The following PCDHA5 variants were observed in gnomAD, a reference collection of about 807,000 sequenced individuals.
PCDHA5 encodes protocadherin alpha 5.
A neutral mutation model predicts 61.6 loss-of-function variants in PCDHA5; 43 were observed. That is an observed-to-expected ratio of 0.70 (90% CI 0.55 to 0.90). PCDHA5 has a LOEUF of 0.90. Ranked by LOEUF, PCDHA5 falls within the 40% of genes least tolerant of loss-of-function variation. The pLI, the probability that PCDHA5 is intolerant of heterozygous loss-of-function variation, is 0.00. For missense variants in PCDHA5, 1,298 were observed against 1,222.7 expected (o/e 1.06, Z -0.92); for synonymous variants, 627 against 543.9 (o/e 1.15, Z -2.13).
intron 3 of PCDHA5, among the ~76,000 whole-genome samples, chr5:140,994,578 A>C (rs1563601392): frequency 6.6e-6 from 1 of 151,958 alleles, no homozygotes; most frequent in Non-Finnish European, 1.5e-5. Context: ...GGTGGCATGC[A>C]CTTGTAGTCT....
At chr5:140,976,594 T>C (rs2096724606) in intron 1 of PCDHA5, among the ~76,000 whole-genome samples, 1 of 152,146 alleles carries the variant, frequency 6.6e-6, no homozygotes, top group Non-Finnish European at 1.5e-5. Flanking sequence ...ACTTTTGTGT[T>C]AAGGGGACCT....
intron 1 of PCDHA5, chr5:140,870,150 C>T (rs2051709522): frequency 6.2e-7 from 1 of 1,614,098 alleles, no homozygotes; most frequent in Non-Finnish European, 8.5e-7. Context: ...CTCCTGAAGT[C>T]GCCGTGACTT....
At chr5:140,883,291 A>T (rs1554177505) in intron 1 of PCDHA5, 1 of 1,614,118 alleles carries the variant, frequency 6.2e-7, no homozygotes, top group South Asian at 1.1e-5. Flanking sequence ...TGGAAGTACT[A>T]GATGTAAATG....
chr5:140,896,404 G>T (rs1003824556), intron 1 of PCDHA5, among the ~76,000 whole-genome samples: 4 of 151,996 alleles, frequency 2.6e-5, no homozygotes, highest in Admixed American at 2.6e-4. Context: ...TGTTATTTTT[G>T]ACTTTTTAGT....
At chr5:140,966,737 G>A (rs1466161811) in intron 1 of PCDHA5, 4 of 1,420,882 alleles carry the variant, frequency 2.8e-6, no homozygotes, top group Non-Finnish European at 3.7e-6. Flanking sequence ...CTCCGGCCCT[G>A]CCCGGCTGCC....
intron 1 of PCDHA5, among the ~76,000 whole-genome samples, chr5:140,933,588 G>A (rs2089253151): frequency 6.6e-6 from 1 of 151,988 alleles, no homozygotes; most frequent in Non-Finnish European, 1.5e-5. Flanking sequence ...TGGGTTTTTA[G>A]GTTGATTTGT....
intron 1 of PCDHA5, chr5:140,875,365 A>T: frequency 6.9e-7 from 1 of 1,449,394 alleles, no homozygotes; most frequent in Non-Finnish European, 9.1e-7. Context: ...TGCTGGAAAA[A>T]ATTTACTAAA....
chr5:140,849,910 G>A, intron 1 of PCDHA5: 1 of 1,598,272 alleles, frequency 6.3e-7, no homozygotes. Flanking sequence ...CCGCCGGGCT[G>A]CCACATCTTC....
chr5:140,877,303 T>G, intron 1 of PCDHA5: 1 of 1,613,850 alleles, frequency 6.2e-7, no homozygotes, highest in South Asian at 1.1e-5. Flanking sequence ...GTCCTACGAG[T>G]TGCAACCGGC....
At position 140,857,550 on chromosome 5, in the gene PCDHA5, G is replaced by A; in HGVS notation, c.2352+33423G>A. 4 of 1,596,852 alleles carry A rather than the reference G, an allele frequency of 2.5e-6. 1 individual carries two copies. The highest frequency in any genetic ancestry group is 3.4e-6 in the Non-Finnish European group (4 of 1,167,652). On this transcript the variant is annotated intron_variant, in intron 1 of 3. Coordinates refer to ENST00000529859, the MANE Select transcript of PCDHA5 (RefSeq NM_018908.3). ...CTGGTGGAGCGGCGGTTGGGCGAGC[G>A]CTCGCTGTCGAGCTACGTGTCGGTG...
intron 1 of PCDHA5, among the ~76,000 whole-genome samples, chr5:140,941,191 T>TTTTTTCTTTC (rs1554213809): frequency 1.1e-5 from 1 of 93,206 alleles, no homozygotes; most frequent in Non-Finnish European, 2.3e-5. Flanking sequence ...GCTTCTTTTT[T>TTTTTTCTTTC]TTTCTTTCTT....
chr5:140,837,972 C>T (rs929090739), intron 1 of PCDHA5, among the ~76,000 whole-genome samples: 2 of 151,768 alleles, frequency 1.3e-5, no homozygotes, highest in African/African-American at 2.4e-5. Context: ...AACAACCACA[C>T]CCAGCCTGCC....
intron 1 of PCDHA5, chr5:140,829,495 C>A: frequency 6.2e-7 from 1 of 1,613,650 alleles, no homozygotes; most frequent in Non-Finnish European, 8.5e-7. Flanking sequence ...AGGAGAACAA[C>A]CCGCCGGGCT....
At chr5:140,967,712 G>A in intron 1 of PCDHA5, 2 of 1,614,196 alleles carry the variant, frequency 1.2e-6, no homozygotes, top group Non-Finnish European at 1.7e-6. Flanking sequence ...CAGTACCGGG[G>A]AAGTGCGAGT....
rs2098419648 is a variant in PCDHA5 at position 141,011,160 on chromosome 5, A to AT, written c.*1224dup. The AT allele has an allele frequency of 6.5e-6, 1 of 153,706 alleles. No homozygotes were observed. The highest frequency in any genetic ancestry group is 2.4e-5 in the African/African-American group (1 of 41,436). 9.5% of individuals were successfully genotyped at this position (153,706 alleles called of 1,614,324 possible). A position where few individuals can be genotyped will look rare whatever the true frequency, so the allele number is the denominator to read the frequency against. ...TACACAACCTTCTCTAACCAACTAT[A>AT]TATCAAGACCCAAAAATTGAAGAAA... On this transcript the variant is annotated 3_prime_UTR_variant, in exon 4 of 4. Coordinates refer to ENST00000529859, the MANE Select transcript of PCDHA5 (RefSeq NM_018908.3).
At chr5:140,977,619 C>T (rs1289978944) in intron 1 of PCDHA5, among the ~76,000 whole-genome samples, 1 of 152,240 alleles carries the variant, frequency 6.6e-6, no homozygotes, top group African/African-American at 2.4e-5. Context: ...TAAAGTATCC[C>T]AGAGTTGTAA....
chr5:140,828,365 C>G lies in PCDHA5; in HGVS notation c.2352+4238C>G. ...TTTGTTTGTGAATTCTCGGATCGAC[C>G]GCGAGGAGCTGTGCGGGCGGAGCGC... On this transcript the variant is annotated intron_variant, in intron 1 of 3. Transcript: ENST00000529859. The G allele has an allele frequency of 1.2e-6, 2 of 1,614,230 alleles. No individual in the cohort carries two copies. The highest frequency in any genetic ancestry group is 1.7e-6 in the Non-Finnish European group (2 of 1,180,048).
intron 1 of PCDHA5, among the ~76,000 whole-genome samples, chr5:140,976,377 C>T (rs1472568038): frequency 2.0e-5 from 3 of 151,896 alleles, no homozygotes; most frequent in Admixed American, 6.6e-5. Flanking sequence ...ATGGTGAAAC[C>T]CCATCTCTAC....
rs1158226302 is a variant in PCDHA5, at chr5:140,856,812, T to C, written c.2352+32685T>C. 1.9e-6 allele frequency: 3 copies of C among 1,594,276 alleles called. 1 individual carries two copies. Among genetic ancestry groups the C allele is most frequent in the Non-Finnish European group, 2.6e-6 (3 of 1,164,510 alleles). ...GAAGTTAAGATGTATGAAAATCAAG[T>C]GAACCAAACATTAGTAATACGGCTC... On this transcript the variant is annotated intron_variant, in intron 1 of 3. Coordinates refer to ENST00000529859, the MANE Select transcript of PCDHA5 (RefSeq NM_018908.3).
Sources: gnomAD v4.1 joint callset for allele counts (sites outside exome capture counted in the v4.1 genomes callset) on GRCh38, gnomAD v4.1.1 for gene constraint, MANE v1.5 for transcripts, NCBI Gene and HGNC (gene_info 2026-07-23, HGNC 2026-07-21) for gene names.